Variants in NT5DC1 observed in about 807,000 individuals in gnomAD.
NT5DC1 encodes the protein 5'-nucleotidase domain containing 1, also known as 5'-nucleotidase domain-containing protein 1.
In NT5DC1, 42 loss-of-function variants were observed where a neutral mutation model predicts 59.4. The observed-to-expected ratio is 0.71, with a 90% CI of 0.55 to 0.92. The LOEUF (loss-of-function observed/expected upper bound fraction) is 0.92, where lower values mean the gene tolerates loss of function less well. NT5DC1 is among the 40% of genes least tolerant of loss of function. The pLI, the probability that NT5DC1 is intolerant of heterozygous loss-of-function variation, is 0.00. For synonymous variants in NT5DC1, 172 were observed against 188.1 expected, an observed-to-expected ratio of 0.91 and a Z score of 0.70; for missense variants, 501 against 537.1, an observed-to-expected ratio of 0.93 and a Z score of 0.66.
At chr6:116,191,537 A>C (rs1781117155) in intron 6 of NT5DC1, among the ~76,000 whole-genome samples, 1 of 152,076 alleles carries the variant, frequency 6.6e-6, no homozygotes, top group Non-Finnish European at 1.5e-5. Flanking sequence ...AACTCAAAAA[A>C]GCTTTTTATG....
intron 5 of NT5DC1, among the ~76,000 whole-genome samples, chr6:116,117,043 G>T (rs1234865699): frequency 6.6e-6 from 1 of 152,138 alleles, no homozygotes; most frequent in Admixed American, 6.5e-5. Flanking sequence ...CTTCTGTTGA[G>T]ACTTGCAGCT....
chr6:116,146,839 C>T (rs1404160197), intron 6 of NT5DC1, among the ~76,000 whole-genome samples: 2 of 151,778 alleles, frequency 1.3e-5, no homozygotes, highest in Middle Eastern at 3.4e-3. Flanking sequence ...TGGTGTTTGG[C>T]CTATGGATAG....
At chr6:116,242,534 A>G (rs1030027308) in intron 11 of NT5DC1, among the ~76,000 whole-genome samples, 1 of 152,034 alleles carries the variant, frequency 6.6e-6, no homozygotes, top group African/African-American at 2.4e-5. Flanking sequence ...GAAACAAAGT[A>G]GATATTAAGG....
chr6:116,212,134 G>A (rs2114527908), intron 6 of NT5DC1, among the ~76,000 whole-genome samples: 1 of 152,036 alleles, frequency 6.6e-6, no homozygotes. Flanking sequence ...TTATTAAAAA[G>A]TTAATAACTC....
At chr6:116,223,731 G>A (rs1781856028) in intron 8 of NT5DC1, among the ~76,000 whole-genome samples, 1 of 152,198 alleles carries the variant, frequency 6.6e-6, no homozygotes, top group African/African-American at 2.4e-5. Flanking sequence ...GAAAGACAGT[G>A]TTTTGATATC....
At chr6:116,165,653 A>T (rs1194002784) in intron 6 of NT5DC1, among the ~76,000 whole-genome samples, 1 of 152,232 alleles carries the variant, frequency 6.6e-6, no homozygotes. Context: ...ACCAACCACC[A>T]GTACCACCCC....
At chr6:116,124,235 ATTTAAACTTT>A (rs1779225009) in intron 6 of NT5DC1, among the ~76,000 whole-genome samples, 9 of 152,134 alleles carry the variant, frequency 5.9e-5, no homozygotes, top group African/African-American at 1.9e-4. Context: ...AAAGCATAAT[ATTTAAACTTT>A]ATAACAAATA....
intron 6 of NT5DC1, among the ~76,000 whole-genome samples, chr6:116,152,575 C>T (rs1780072436): frequency 6.6e-6 from 1 of 152,146 alleles, no homozygotes; most frequent in South Asian, 2.1e-4. Flanking sequence ...TCACATGGGA[C>T]TTTCATCCTC....
Position 116,106,343 on chromosome 6 carries a change from CTTTTTT to C in NT5DC1, c.185+22_185+27del. ...AGAGGATTGGGATTTCTGGTAAGTT[CTTTTTT>C]TTTTTTTTTTTTTAAGTCTGTACAT... is the stretch of plus-strand genomic sequence containing the variant. On this transcript the variant is annotated intron_variant, in intron 2 of 11. Coordinates refer to ENST00000319550, the MANE Select transcript of NT5DC1 (RefSeq NM_152729.3). The C allele has an allele frequency of 4.9e-5, 38 of 779,310 alleles. No individual in the cohort carries two copies. The highest frequency in any genetic ancestry group is 7.2e-5 in the Non-Finnish European group (35 of 486,610). The allele number at this position is 779,310 out of a possible 1,614,324, so 48.3% of individuals were successfully genotyped here.
At chr6:116,162,723 G>T (rs1780363948) in intron 6 of NT5DC1, among the ~76,000 whole-genome samples, 1 of 152,062 alleles carries the variant, frequency 6.6e-6, no homozygotes, top group Non-Finnish European at 1.5e-5. Flanking sequence ...AGGGATATTG[G>T]CCCATAGTTT....
chr6:116,218,750 T>C (rs1198719023), intron 6 of NT5DC1, among the ~76,000 whole-genome samples: 2 of 141,112 alleles, frequency 1.4e-5, no homozygotes, highest in Non-Finnish European at 3.3e-5. Context: ...GCAAAAACTT[T>C]GTTTTTGTTT....
intron 6 of NT5DC1, among the ~76,000 whole-genome samples, chr6:116,139,625 T>G (rs1779713264): frequency 6.6e-6 from 1 of 152,172 alleles, no homozygotes; most frequent in Non-Finnish European, 1.5e-5. Context: ...TAAAATTTGG[T>G]TGTTTTACTT....
At chr6:116,241,939 CAAAACAA>C (rs1562178980) in intron 11 of NT5DC1, among the ~76,000 whole-genome samples, 4 of 12,030 alleles carry the variant, frequency 3.3e-4, no homozygotes, top group Admixed American at 2.8e-3. Context: ...AAAAAAAAAA[CAAAACAA>C]AAAAAAAAAA....
At chr6:116,205,131 A>C (rs548414750) in intron 6 of NT5DC1, among the ~76,000 whole-genome samples, 2 of 152,064 alleles carry the variant, frequency 1.3e-5, no homozygotes, top group East Asian at 1.9e-4. Flanking sequence ...TAGGCCGGTA[A>C]AACCCCTTCC....
chr6:116,209,883 G>A (rs572699588), intron 6 of NT5DC1, among the ~76,000 whole-genome samples: 18 of 152,062 alleles, frequency 1.2e-4, no homozygotes, highest in Admixed American at 9.8e-4. Flanking sequence ...CTGAACGCAA[G>A]TTATTTTTCT....
intron 6 of NT5DC1, among the ~76,000 whole-genome samples, chr6:116,198,046 G>A (rs1781272406): frequency 6.6e-6 from 1 of 152,054 alleles, no homozygotes; most frequent in Admixed American, 6.6e-5. Flanking sequence ...CTAGTGCCAA[G>A]AGTGAGCAAG....
rs548263980 is a variant in NT5DC1 at position 116,195,717 on chromosome 6, A to G, written c.530-25337A>G. On this transcript the variant is annotated intron_variant, in intron 6 of 11. Coordinates refer to ENST00000319550, the MANE Select transcript of NT5DC1 (RefSeq NM_152729.3). ...TGGTAGACTCTCTTGTTAGCTAAAT[A>G]TATTCATTAAGATTGAAGTGTAGGC... 5.3e-5 allele frequency among the ~76,000 whole-genome samples: 8 copies of G among 152,156 alleles called. No individual in the cohort carries two copies. The South Asian group carries it at 1.7e-3, about 32-fold the overall frequency.
chr6:116,120,207 A>C, intron 6 of NT5DC1: 2 of 1,614,190 alleles, frequency 1.2e-6, no homozygotes, highest in Non-Finnish European at 1.7e-6. Flanking sequence ...GCACTCCCTG[A>C]AGCCTGATCC....
intron 8 of NT5DC1, among the ~76,000 whole-genome samples, chr6:116,225,087 T>C (rs1449066452): frequency 6.6e-6 from 1 of 152,206 alleles, no homozygotes; most frequent in East Asian, 1.9e-4. Flanking sequence ...TTTTTCTTTT[T>C]CCTCAAATGA....
Sources: gnomAD v4.1 joint callset for allele counts (sites outside exome capture counted in the v4.1 genomes callset) on GRCh38, gnomAD v4.1.1 for gene constraint, MANE v1.5 for transcripts, NCBI Gene and HGNC (gene_info 2026-07-23, HGNC 2026-07-21) for gene names.